Variants in ZNF613 observed in about 807,000 individuals in gnomAD.
ZNF613 encodes zinc finger protein 613.
Under a neutral mutation model 14.3 loss-of-function variants are expected in ZNF613, and 8 were observed. The observed-to-expected ratio is 0.56, with a 90% CI of 0.33 to 1.01. The LOEUF is 1.01. Ranked by LOEUF, ZNF613 falls within the 50% of genes least tolerant of loss-of-function variation. The pLI is 0.03. For missense variants in ZNF613, 656 were observed against 741.9 expected (o/e 0.88, Z 1.35); for synonymous variants, 228 against 254.5 (o/e 0.90, Z 0.99).
In ZNF613 at chr19:51,944,451, C is replaced by G. The variant is rs751714240; in HGVS notation, c.568C>G (p.Gln190Glu). ...EGGNSVNTNS[Q>E]FIKHQRTQNI... ...TGGAAATTCTGTGAATACAAATTCA[C>G]AATTCATTAAGCATCAGCGAACTCA... The change falls in exon 6 of 6, where the codon CAA becomes GAA. Residue 190 changes from glutamine (Q) to glutamate (E), a missense_variant. Physicochemically the swap from Gln to Glu is conservative, Grantham distance 29. Coordinates refer to ENST00000293471, the MANE Select transcript of ZNF613 (RefSeq NM_001031721.4). The G allele has an allele frequency of 2.5e-6, 4 of 1,604,762 alleles. No individual in the cohort carries two copies. The highest frequency in any genetic ancestry group is 3.4e-6 in the Non-Finnish European group (4 of 1,173,112).
chr19:51,945,737 A>T lies in ZNF613; in HGVS notation c.1854A>T (p.Ter618TyrextTer38), dbSNP rs775904585. 4.3e-6 allele frequency: 7 copies of T among 1,614,074 alleles called. No individual in the cohort carries two copies. Among genetic ancestry groups the T allele is most frequent in the Non-Finnish European group, 5.9e-6 (7 of 1,179,982 alleles). The change falls in exon 6 of 6, where the codon TAA (stop) becomes TAT (tyrosine). Residue 618 changes from the stop codon to tyrosine, a stop_lost. Coordinates refer to ENST00000293471, the MANE Select transcript of ZNF613 (RefSeq NM_001031721.4). ...CAGATAGTAGAATTTGCACAGAATA[A>T]AAACCATATGAATGCAGTGAATGTG... ...VSADSRICTE* is the reference protein window; with the variant it reads ...VSADSRICTEY
rs1045619410 is a variant in ZNF613, at chr19:51,944,498, A to G, written c.615A>G (p.Val205=). Residue 205 remains valine (V), a synonymous_variant, in exon 6 of 6, where the codon GTA becomes GTG. Transcript: ENST00000293471. ...CTCAAAACATAGATAAACCCCATGT[A>G]TGCACTGAGTGTGGGAAGGCTTTCC... ...QRTQNIDKPH[V]CTECGKAFLK... is the part of the protein sequence containing the mutation. 6.2e-7 allele frequency: 1 copy of G among 1,611,706 alleles called. No homozygotes were observed.
At chr19:51,931,861 T>C (rs1357523821) in intron 2 of ZNF613, among the ~76,000 whole-genome samples, 20 of 152,104 alleles carry the variant, frequency 1.3e-4, no homozygotes, top group Admixed American at 1.3e-3. Flanking sequence ...TAACTGACCA[T>C]GATTCCTGGT....
At chr19:51,940,845 C>T in intron 5 of ZNF613, 136 bp downstream of exon 5, 1 of 473,638 alleles carries the variant, frequency 2.1e-6, no homozygotes, top group Non-Finnish European at 3.6e-6. Context: ...CACACAAAAG[C>T]TCTTTCTCCT....
Position 51,945,542 on chromosome 19 carries a change from T to C in ZNF613, c.1659T>C (p.Ser553=), listed in dbSNP as rs1370822151. ...AATTGGAAAATCCTTGCTCAGAGAGTCATAGCTTATCACATACACGTGATC... is the reference window on the plus strand; with the variant it reads ...AATTGGAAAATCCTTGCTCAGAGAGCCATAGCTTATCACATACACGTGATC... ...SVKLENPCSE[S]HSLSHTRDLI... The change falls in exon 6 of 6, where the codon AGT becomes AGC. Residue 553 remains serine (S), a synonymous_variant. Transcript: ENST00000293471. 1.2e-6 allele frequency: 2 copies of C among 1,613,842 alleles called. No homozygotes were observed. Among genetic ancestry groups the C allele is most frequent in the African/African-American group, 2.7e-5 (2 of 74,808 alleles).
chr19:51,936,187 C>G lies in ZNF613; in HGVS notation c.-34C>G. 1 of 1,600,150 alleles carries G rather than the reference C, an allele frequency of 6.2e-7. No homozygotes were observed. The highest frequency in any genetic ancestry group is 8.5e-7 in the Non-Finnish European group (1 of 1,173,730). On this transcript the variant is annotated 5_prime_UTR_variant, in exon 3 of 6. Transcript: ENST00000293471. ...AAGGAGAGACTACAGACACAGCATC[C>G]TACTTACTGGCTATTTCCCAGTAAC...
At chr19:51,940,528 C>T (rs1362538776) in intron 4 of ZNF613, 89 bp from the exon 5 acceptor site, 2 of 1,493,768 alleles carry the variant, frequency 1.3e-6, no homozygotes, top group Non-Finnish European at 1.8e-6. Context: ...ACATAAATTA[C>T]ATAGTTCCTA....
intron 5 of ZNF613, among the ~76,000 whole-genome samples, chr19:51,941,256 T>C (rs553216061): frequency 6.6e-6 from 1 of 152,316 alleles, no homozygotes; most frequent in South Asian, 2.1e-4. Flanking sequence ...TTAATCTAGG[T>C]TTGATTTGTT....
At chr19:51,939,350 A>C (rs1288160664) in intron 3 of ZNF613, among the ~76,000 whole-genome samples, 2 of 151,388 alleles carry the variant, frequency 1.3e-5, no homozygotes, top group Non-Finnish European at 2.9e-5. Context: ...TTATTTTGAG[A>C]TGAAGTCTCG....
chr19:51,928,244 A>G (rs778364518), intron 1 of ZNF613, among the ~76,000 whole-genome samples: 3 of 152,110 alleles, frequency 2.0e-5, no homozygotes, highest in Non-Finnish European at 4.4e-5. Flanking sequence ...AGGATTTAAT[A>G]TGCGACTCAG....
At chr19:51,938,748 ATATG>A (rs998074742) in intron 3 of ZNF613, among the ~76,000 whole-genome samples, 1,533 of 142,930 alleles carry the variant, frequency 0.011, 33 homozygotes, top group African/African-American at 0.04. Context: ...ATATATATAT[ATATG>A]TGCAATATGC....
intron 5 of ZNF613, among the ~76,000 whole-genome samples, chr19:51,943,011 T>A (rs948647707): frequency 1.3e-5 from 2 of 152,194 alleles, no homozygotes; most frequent in Non-Finnish European, 2.9e-5. Context: ...CTTGATTTTT[T>A]AAAAAATTAT....
At position 51,944,702 on chromosome 19, in the gene ZNF613, A is replaced by G; in HGVS notation, c.819A>G (p.Ser273=). The G allele has an allele frequency of 6.2e-7, 1 of 1,614,110 alleles. No individual in the cohort carries two copies. Among genetic ancestry groups the G allele is most frequent in the Non-Finnish European group, 8.5e-7 (1 of 1,180,016 alleles). ...TECDKAFRWK[S]QLNAHQKIHT... The stretch of plus-strand genomic sequence containing the variant: ...GTGACAAAGCATTCCGCTGGAAATC[A>G]CAGCTCAATGCACACCAGAAAATTC... Residue 273 remains serine, a synonymous_variant, in exon 6 of 6, where the codon TCA becomes TCG. Transcript: ENST00000293471.
chr19:51,932,480 A>G (rs2085274045), intron 2 of ZNF613, among the ~76,000 whole-genome samples: 1 of 147,852 alleles, frequency 6.8e-6, no homozygotes, highest in African/African-American at 2.5e-5. Context: ...TATTTTTTGT[A>G]GAGACCGGGT....
At chr19:51,940,883 G>T (rs8108525) in intron 5 of ZNF613, among the ~76,000 whole-genome samples, 174 bp downstream of exon 5, 26,666 of 152,048 alleles carry the variant, frequency 0.18, 3,230 homozygotes, top group African/African-American at 0.34. Context: ...CATCTGCTTC[G>T]TTATCGCGTC....
chr19:51,932,972 G>A (rs557982858), intron 2 of ZNF613, among the ~76,000 whole-genome samples: 15 of 152,138 alleles, frequency 9.9e-5, no homozygotes, highest in East Asian at 3.9e-4. Context: ...GAGCCACCAC[G>A]CCTGAGTGTC....
chr19:51,932,920 T>C (rs1353136057), intron 2 of ZNF613, among the ~76,000 whole-genome samples: 4 of 152,072 alleles, frequency 2.6e-5, no homozygotes, highest in African/African-American at 9.7e-5. Flanking sequence ...CTCAAAGCAA[T>C]CCTCCTGCCT....
chr19:51,932,185 A>T (rs2085271110), intron 2 of ZNF613, among the ~76,000 whole-genome samples: 1 of 152,080 alleles, frequency 6.6e-6, no homozygotes, highest in African/African-American at 2.4e-5. Flanking sequence ...GGGCAGGTAC[A>T]GAAGCGAGTT....
At position 51,944,550 on chromosome 19, in the gene ZNF613, C is replaced by T; in HGVS notation, c.667C>T (p.Gln223Ter). ...CAAGAAGTCTCGCCTCATCTATCAT[C>T]AGAGAGTTCACACTGGGGAGAAACC... Reference protein sequence around the residue: ...FLKKSRLIYHQRVHTGEKPHG... With the variant: ...FLKKSRLIYH Residue 223 changes from glutamine to a stop codon, truncating the protein, a stop_gained, in exon 6 of 6, where the codon CAG (glutamine) becomes TAG (stop). Transcript: ENST00000293471. LOFTEE classifies it low-confidence loss of function (END_TRUNC). 1 of 1,614,160 alleles carries T rather than the reference C, an allele frequency of 6.2e-7. No individual in the cohort carries two copies. Among genetic ancestry groups the T allele is most frequent in the Non-Finnish European group, 8.5e-7 (1 of 1,180,002 alleles).
Sources: allele counts gnomAD v4.1 joint callset (sites outside exome capture counted in the v4.1 genomes callset), GRCh38; gene constraint gnomAD v4.1.1; transcripts MANE v1.5; gene names NCBI Gene and HGNC (gene_info 2026-07-23, HGNC 2026-07-21).